TNFAIP8: variants seen among roughly 807,000 people sequenced by gnomAD.
TNFAIP8 encodes the protein tumor necrosis factor alpha-induced protein 8.
A neutral mutation model predicts 13.3 loss-of-function variants in TNFAIP8; 7 were observed. The ratio of observed to expected loss-of-function variants is 0.52; its 90% CI spans 0.30 to 0.99. The LOEUF (loss-of-function observed/expected upper bound fraction) is 0.99. TNFAIP8 is among the 50% of genes least tolerant of loss of function. The pLI is 0.07. For synonymous variants in TNFAIP8, 94 were observed against 87.6 expected, an observed-to-expected ratio of 1.07 and a Z score of -0.41; for missense variants, 258 against 236.9, an observed-to-expected ratio of 1.09 and a Z score of -0.58.
rs545754587 is a variant in TNFAIP8 at position 119,376,681 on chromosome 5, C to T, written c.32-16135C>T. Among the ~76,000 whole-genome samples the T allele has an allele frequency of 1.7e-3, 249 of 149,758 alleles. 6 individuals are homozygous for T. The highest frequency in any genetic ancestry group is 1.9e-3 in the Non-Finnish European group (126 of 67,734). The stretch of plus-strand genomic sequence containing the variant: ...GAATAAACAATAAATTGTAACCAAT[C>T]ACTAGGATTTACTTTCAGGGAGTAC... On this transcript the variant is annotated intron_variant, in intron 1 of 1. Transcript: ENST00000504771.
chr5:119,376,412 C>G (rs984640082), intron 1 of TNFAIP8, among the ~76,000 whole-genome samples: 1 of 152,100 alleles, frequency 6.6e-6, no homozygotes, highest in African/African-American at 2.4e-5. Flanking sequence ...TGAGCCACTG[C>G]ACCCGGCAAA....
chr5:119,369,728 G>T (rs1274087365), intron 1 of TNFAIP8, among the ~76,000 whole-genome samples: 1 of 152,192 alleles, frequency 6.6e-6, no homozygotes, highest in African/African-American at 2.4e-5. Context: ...ACCAGACATT[G>T]ATAATGTATT....
At chr5:119,276,807 G>A (rs1349285302) in intron 1 of TNFAIP8, among the ~76,000 whole-genome samples, 4 of 152,140 alleles carry the variant, frequency 2.6e-5, no homozygotes, top group Admixed American at 2.6e-4. Flanking sequence ...CAGGGTTTCA[G>A]TATATGAATT....
chr5:119,384,205 C>T (rs7701561), intron 1 of TNFAIP8, among the ~76,000 whole-genome samples: 14,175 of 152,208 alleles, frequency 0.093, 976 homozygotes, highest in African/African-American at 0.21. Context: ...GATAACGTGG[C>T]CCGGCACGGT....
chr5:119,360,413 C>T (rs911918499), intron 1 of TNFAIP8, among the ~76,000 whole-genome samples: 1 of 152,172 alleles, frequency 6.6e-6, no homozygotes, highest in Non-Finnish European at 1.5e-5. Context: ...GAAGATTGTT[C>T]TTTAAAACAT....
intron 1 of TNFAIP8, among the ~76,000 whole-genome samples, chr5:119,383,007 C>T (rs1363554475): frequency 1.3e-5 from 2 of 152,216 alleles, no homozygotes; most frequent in African/African-American, 2.4e-5. Context: ...TTGCACTAAT[C>T]CTCAAAGCCT....
At chr5:119,362,287 T>C (rs1751664854) in intron 1 of TNFAIP8, among the ~76,000 whole-genome samples, 1 of 152,012 alleles carries the variant, frequency 6.6e-6, no homozygotes, top group East Asian at 1.9e-4. Context: ...TCTACAGAAG[T>C]GTGGAGAGCA....
chr5:119,387,141 A>G (rs528178831), intron 1 of TNFAIP8, among the ~76,000 whole-genome samples: 33 of 152,176 alleles, frequency 2.2e-4, no homozygotes, highest in Non-Finnish European at 3.8e-4. Context: ...GAGCACTGCC[A>G]AATCTCCATG....
chr5:119,317,162 T>C (rs375318282), intron 1 of TNFAIP8, among the ~76,000 whole-genome samples: 1 of 152,332 alleles, frequency 6.6e-6, no homozygotes, highest in East Asian at 1.9e-4. Flanking sequence ...AGGCCTGTCC[T>C]TGTGGCTGGT....
intron 1 of TNFAIP8, among the ~76,000 whole-genome samples, chr5:119,283,127 G>A (rs1347314202): frequency 6.6e-6 from 1 of 152,062 alleles, no homozygotes; most frequent in Non-Finnish European, 1.5e-5. Context: ...GATGACCTTG[G>A]GCTGCCCTAT....
chr5:119,351,325 C>G (rs988808845), upstream of TNFAIP8, among the ~76,000 whole-genome samples: 1 of 152,096 alleles, frequency 6.6e-6, no homozygotes, highest in African/African-American at 2.4e-5. Context: ...GTGTGCCCAG[C>G]CTTACTCTAT....
chr5:119,295,225 CG>C, intron 1 of TNFAIP8, among the ~76,000 whole-genome samples: 1 of 48,204 alleles, frequency 2.1e-5, no homozygotes, highest in Non-Finnish European at 3.7e-5. Flanking sequence ...TTTAGTCTAA[CG>C]TTAGACCTAT....
intron 1 of TNFAIP8, among the ~76,000 whole-genome samples, chr5:119,322,115 C>G (rs775287295): frequency 3.3e-5 from 5 of 152,162 alleles, no homozygotes; most frequent in Non-Finnish European, 5.9e-5. Context: ...CAGATGTTAC[C>G]CCAGGAGAAA....
chr5:119,312,698 G>A (rs1285004986), intron 1 of TNFAIP8, among the ~76,000 whole-genome samples: 2 of 132,892 alleles, frequency 1.5e-5, no homozygotes, highest in Non-Finnish European at 3.0e-5. Context: ...TCAGGAGTTC[G>A]AGACTACCCT....
intron 1 of TNFAIP8, among the ~76,000 whole-genome samples, chr5:119,281,548 C>T (rs1037789573): frequency 5.3e-5 from 8 of 152,010 alleles, no homozygotes; most frequent in Non-Finnish European, 1.0e-4. Flanking sequence ...AAATCGTCTC[C>T]AAATAATGAC....
intron 1 of TNFAIP8, among the ~76,000 whole-genome samples, chr5:119,272,959 C>G (rs1397875770): frequency 1.3e-5 from 2 of 152,184 alleles, no homozygotes; most frequent in South Asian, 2.1e-4. Context: ...CAGGCTAACT[C>G]GTAAACACCT....
intron 1 of TNFAIP8, among the ~76,000 whole-genome samples, chr5:119,382,314 A>C (rs1259146696): frequency 6.6e-6 from 1 of 152,148 alleles, no homozygotes; most frequent in Non-Finnish European, 1.5e-5. Flanking sequence ...CATTCTGCCT[A>C]GCTGTGTACT....
rs1562041933 is a variant in TNFAIP8 at position 119,398,638 on chromosome 5, C to T, written c.*5257C>T. 6.6e-6 allele frequency: 1 copy of T among 151,996 alleles called. No homozygotes were observed. Among genetic ancestry groups the T allele is most frequent in the Non-Finnish European group, 1.5e-5 (1 of 68,010 alleles). 9.4% of individuals were successfully genotyped at this position (151,996 alleles called of 1,614,324 possible). ...GAGGTTGCAGTGAGCCAAGATTACA[C>T]CACTGCACTCCAGCCTGGGCAACAA... On this transcript the variant is annotated 3_prime_UTR_variant, in exon 2 of 2. Coordinates refer to ENST00000504771, the MANE Select transcript of TNFAIP8 (RefSeq NM_014350.4).
chr5:119,310,234 C>G (rs1749687734), intron 1 of TNFAIP8, among the ~76,000 whole-genome samples: 1 of 152,014 alleles, frequency 6.6e-6, no homozygotes, highest in Non-Finnish European at 1.5e-5. Flanking sequence ...TGGACTCCCT[C>G]CACAAGATGA....
Sources: gnomAD v4.1 joint callset for allele counts (sites outside exome capture counted in the v4.1 genomes callset) on GRCh38, gnomAD v4.1.1 for gene constraint, MANE v1.5 for transcripts, NCBI Gene and HGNC (gene_info 2026-07-23, HGNC 2026-07-21) for gene names.